NRXN3: variants seen among roughly 807,000 people sequenced by gnomAD.
NRXN3 encodes neurexin III.
NRXN3 carries 32 observed loss-of-function variants against 137.6 expected under a neutral mutation model. The observed-to-expected ratio is 0.23, with a 90% CI of 0.18 to 0.31. The LOEUF is 0.31. Among genes scored for constraint, NRXN3 ranks in the 10% least tolerant of loss-of-function variants. NRXN3 has a pLI of 1.00. For missense variants in NRXN3, 1,574 were observed against 2,062.5 expected, an observed-to-expected ratio of 0.76 and a Z score of 4.59; for synonymous variants, 798 against 784.5, an observed-to-expected ratio of 1.02 and a Z score of -0.29.
intron 4 of NRXN3, among the ~76,000 whole-genome samples, chr14:78,482,699 A>G: frequency 6.6e-6 from 1 of 152,238 alleles, no homozygotes; most frequent in East Asian, 1.9e-4. Context: ...AAGAATAGAC[A>G]ATACGACTAC....
chr14:79,661,896 T>C (rs1417899426), intron 16 of NRXN3: 1 of 152,116 alleles, frequency 6.6e-6, no homozygotes, highest in Non-Finnish European at 1.5e-5. Context: ...CCCACGCAAA[T>C]CTCATCTTGA....
intron 15 of NRXN3, among the ~76,000 whole-genome samples, chr14:79,026,734 G>A (rs182885996): frequency 1.3e-5 from 2 of 151,974 alleles, no homozygotes; most frequent in Non-Finnish European, 2.9e-5. Context: ...CACATCTCAG[G>A]TGTTTAATGA....
intron 8 of NRXN3, among the ~76,000 whole-genome samples, chr14:78,730,122 A>G (rs2098507987): frequency 6.6e-6 from 1 of 152,142 alleles, no homozygotes; most frequent in Non-Finnish European, 1.5e-5. Flanking sequence ...CCTGTAACTC[A>G]GTATTAGCTA....
At chr14:78,613,944 G>A (rs772908103) in intron 4 of NRXN3, among the ~76,000 whole-genome samples, 4 of 152,138 alleles carry the variant, frequency 2.6e-5, no homozygotes, top group Non-Finnish European at 5.9e-5. Flanking sequence ...TCTCTTACAA[G>A]CTCTATTATA....
chr14:79,214,867 T>C (rs1370868442), intron 15 of NRXN3, among the ~76,000 whole-genome samples: 1 of 152,218 alleles, frequency 6.6e-6, no homozygotes, highest in African/African-American at 2.4e-5. Flanking sequence ...CTTTGAACTT[T>C]CCATTAACAT....
At chr14:78,675,905 CTT>C (rs1259257636) in intron 6 of NRXN3, among the ~76,000 whole-genome samples, 1 of 151,900 alleles carries the variant, frequency 6.6e-6, no homozygotes, top group Non-Finnish European at 1.5e-5. Flanking sequence ...ATTCTTGAAA[CTT>C]ATTATTATAT....
intron 15 of NRXN3, among the ~76,000 whole-genome samples, chr14:79,113,303 A>T (rs2653535): frequency 0.028 from 4,317 of 152,212 alleles, 203 homozygotes; most frequent in African/African-American, 0.099. Flanking sequence ...ACTCCAGAAG[A>T]AGTATACTGG....
At chr14:79,124,783 T>G (rs141506886) in intron 15 of NRXN3, among the ~76,000 whole-genome samples, 1 of 152,332 alleles carries the variant, frequency 6.6e-6, no homozygotes, top group East Asian at 1.9e-4. Flanking sequence ...CTGCAGGGTA[T>G]TAATCAATGT....
At chr14:79,539,045 G>A (rs1053207603) in intron 16 of NRXN3, among the ~76,000 whole-genome samples, 1 of 152,112 alleles carries the variant, frequency 6.6e-6, no homozygotes, top group African/African-American at 2.4e-5. Context: ...TAAAGTGATC[G>A]AGACAGGTTT....
intron 4 of NRXN3, among the ~76,000 whole-genome samples, chr14:78,317,952 G>T (rs1259355994): frequency 1.3e-5 from 2 of 152,152 alleles, no homozygotes; most frequent in African/African-American, 4.8e-5. Flanking sequence ...GGGGAGGCTG[G>T]ATATTTGACT....
At chr14:79,262,518 G>A (rs1481720551) in intron 15 of NRXN3, among the ~76,000 whole-genome samples, 1 of 150,856 alleles carries the variant, frequency 6.6e-6, no homozygotes, top group Non-Finnish European at 1.5e-5. Flanking sequence ...GGAGGAGGAG[G>A]AAAGAGGATG....
chr14:78,240,579 T>G (rs956070690), intron 1 of NRXN3, among the ~76,000 whole-genome samples: 4 of 152,212 alleles, frequency 2.6e-5, no homozygotes, highest in African/African-American at 9.7e-5. Flanking sequence ...CTCCTCTGGA[T>G]GTAAGCTCCC....
chr14:79,114,651 C>G (rs1019891962), intron 15 of NRXN3, among the ~76,000 whole-genome samples: 16 of 152,132 alleles, frequency 1.1e-4, no homozygotes, highest in African/African-American at 3.9e-4. Context: ...CATGCACATA[C>G]TGGATTCCTT....
At chr14:78,276,016 T>C (rs1419387223) in intron 2 of NRXN3, among the ~76,000 whole-genome samples, 1 of 152,188 alleles carries the variant, frequency 6.6e-6, no homozygotes, top group African/African-American at 2.4e-5. Flanking sequence ...GGCCAGGTGA[T>C]AATGTGTCTC....
chr14:79,731,060 C>T (rs1270496179), intron 19 of NRXN3, among the ~76,000 whole-genome samples: 2 of 152,170 alleles, frequency 1.3e-5, no homozygotes, highest in Non-Finnish European at 2.9e-5. Context: ...TACAGGAAGA[C>T]ACTGCGGGTT....
At chr14:78,528,393 A>G (rs1285972811) in intron 4 of NRXN3, among the ~76,000 whole-genome samples, 1 of 152,140 alleles carries the variant, frequency 6.6e-6, no homozygotes, top group Non-Finnish European at 1.5e-5. Flanking sequence ...ACTCCTGATT[A>G]AATGTGAACC....
chr14:78,871,066 T>G (rs1197694550), intron 10 of NRXN3, among the ~76,000 whole-genome samples: 1 of 148,732 alleles, frequency 6.7e-6, no homozygotes, highest in Non-Finnish European at 1.5e-5. Context: ...TCCTTTCTTT[T>G]GGATATATAC....
intron 16 of NRXN3, among the ~76,000 whole-genome samples, chr14:79,537,303 T>TA (rs1048940667): frequency 4.6e-5 from 7 of 151,880 alleles, no homozygotes; most frequent in African/African-American, 9.7e-5. Flanking sequence ...CTTTTTTTTT[T>TA]ATTATACTTT....
intron 15 of NRXN3, among the ~76,000 whole-genome samples, chr14:79,297,281 T>C (rs1161584652): frequency 2.6e-5 from 4 of 152,112 alleles, no homozygotes; most frequent in African/African-American, 9.7e-5. Flanking sequence ...TCCACTGGGG[T>C]TAGACAGGGT....
Sources: allele counts gnomAD v4.1 joint callset (sites outside exome capture counted in the v4.1 genomes callset), GRCh38; gene constraint gnomAD v4.1.1; transcripts MANE v1.5; gene names NCBI Gene and HGNC (gene_info 2026-07-23, HGNC 2026-07-21).